Variants in CNTNAP2 observed in about 807,000 individuals in gnomAD.
The protein encoded by CNTNAP2 is contactin associated protein 2, also known as contactin-associated protein-like 2.
In CNTNAP2, 98 loss-of-function variants were observed where a neutral mutation model predicts 155.2. That is an observed-to-expected ratio of 0.63 (90% CI 0.54 to 0.75). The LOEUF is 0.75. Among genes scored for constraint, CNTNAP2 ranks in the 30% least tolerant of loss-of-function variants. The probability of loss-of-function intolerance (pLI) is 0.00; values close to 1 mark genes in which losing one functional copy is unlikely to be tolerated. For synonymous variants in CNTNAP2, 651 were observed against 631.2 expected, an observed-to-expected ratio of 1.03 and a Z score of -0.47; for missense variants, 1,727 against 1,688.1, an observed-to-expected ratio of 1.02 and a Z score of -0.40.
At chr7:146,219,895 A>C (rs1799178863) in intron 1 of CNTNAP2, among the ~76,000 whole-genome samples, 1 of 152,168 alleles carries the variant, frequency 6.6e-6, no homozygotes, top group Non-Finnish European at 1.5e-5. Flanking sequence ...ATTATGGCTC[A>C]TAGAATTTTA....
intron 1 of CNTNAP2, among the ~76,000 whole-genome samples, chr7:146,232,969 T>G (rs1799410862): frequency 6.6e-6 from 1 of 152,122 alleles, no homozygotes; most frequent in African/African-American, 2.4e-5. Context: ...TTATTCCATC[T>G]CTCACTCTAT....
At chr7:146,533,080 C>T (rs1041543203) in intron 1 of CNTNAP2, among the ~76,000 whole-genome samples, 11 of 118,386 alleles carry the variant, frequency 9.3e-5, no homozygotes, top group East Asian at 5.3e-4. Context: ...CCAGCTTAGG[C>T]GACTGAGGGA....
Position 148,293,393 on chromosome 7 carries a change from G to C in CNTNAP2, c.3475+26267G>C, listed in dbSNP as rs546359828. 4.0e-4 allele frequency among the ~76,000 whole-genome samples: 61 copies of C among 152,252 alleles called. 4 individuals are homozygous for C. In the South Asian group the frequency reaches 0.012, roughly 31 times the overall value. On this transcript the variant is annotated intron_variant, in intron 21 of 23. Transcript: ENST00000361727. ...TCTCAGTTTTACAGGCTTGTTTTCGGATTAATGGTAATAGATGTAAAGAAT... is the reference window on the plus strand; with the variant it reads ...TCTCAGTTTTACAGGCTTGTTTTCGCATTAATGGTAATAGATGTAAAGAAT...
intron 9 of CNTNAP2, among the ~76,000 whole-genome samples, chr7:147,329,912 T>C (rs771854835): frequency 7.2e-5 from 11 of 152,178 alleles, no homozygotes; most frequent in Admixed American, 6.6e-4. Flanking sequence ...TCTTATGTAA[T>C]GTTTTTAATC....
chr7:146,711,751 TCTTATGTATACATATATAGTATA>T (rs1372404665), intron 1 of CNTNAP2, among the ~76,000 whole-genome samples: 2 of 144,618 alleles, frequency 1.4e-5, no homozygotes, highest in Non-Finnish European at 3.0e-5. Flanking sequence ...AGTATACACA[TCTTATGTATACATATATAGTATA>T]CACATCTTAT....
intron 14 of CNTNAP2, among the ~76,000 whole-genome samples, chr7:147,961,971 A>G (rs1262231555): frequency 1.3e-5 from 2 of 152,236 alleles, no homozygotes; most frequent in Non-Finnish European, 2.9e-5. Context: ...ACAGAAAAGT[A>G]GTAAAAAGAA....
rs1307598224 is a variant in CNTNAP2 at position 147,936,044 on chromosome 7, G to A, written c.2255+32323G>A. ...CTCAACTTAAAAGTGTGCCTGTTTGGATGATAAGAAAAAAAAGCAAACAAA... is the reference window on the plus strand; with the variant it reads ...CTCAACTTAAAAGTGTGCCTGTTTGAATGATAAGAAAAAAAAGCAAACAAA... On this transcript the variant is annotated intron_variant, in intron 14 of 23. Transcript: ENST00000361727. Among the ~76,000 whole-genome samples, 4 of 151,904 alleles carry A rather than the reference G, an allele frequency of 2.6e-5. No individual in the cohort carries two copies. The East Asian group carries it at 7.7e-4, about 29-fold the overall frequency.
intron 1 of CNTNAP2, among the ~76,000 whole-genome samples, chr7:146,374,535 T>C (rs941527608): frequency 1.3e-5 from 2 of 152,206 alleles, no homozygotes; most frequent in African/African-American, 4.8e-5. Flanking sequence ...AAAGAGCCTG[T>C]TCTTAGTAGG....
At chr7:146,983,872 A>G (rs1798066775) in intron 3 of CNTNAP2, among the ~76,000 whole-genome samples, 1 of 152,216 alleles carries the variant, frequency 6.6e-6, no homozygotes, top group South Asian at 2.1e-4. Flanking sequence ...TTTATAAAGA[A>G]TATTTGTCTC....
intron 1 of CNTNAP2, among the ~76,000 whole-genome samples, chr7:146,580,944 A>G (rs990925652): frequency 1.3e-5 from 2 of 152,098 alleles, no homozygotes; most frequent in Admixed American, 6.6e-5. Context: ...TCACCCCAAG[A>G]AATAAAAGGC....
intron 11 of CNTNAP2, among the ~76,000 whole-genome samples, chr7:147,548,587 CT>C (rs1799788116): frequency 1.3e-5 from 2 of 152,134 alleles, no homozygotes; most frequent in East Asian, 3.9e-4. Flanking sequence ...GTTCCTTTTG[CT>C]GTGCAGACGC....
intron 3 of CNTNAP2, among the ~76,000 whole-genome samples, chr7:146,958,419 T>G (rs1425055568): frequency 5.7e-5 from 8 of 139,718 alleles, no homozygotes; most frequent in East Asian, 2.0e-4. Flanking sequence ...TTTTTTTTTT[T>G]TTTTTTTTTT....
chr7:147,365,388 A>G (rs1194484744), intron 9 of CNTNAP2, among the ~76,000 whole-genome samples: 4 of 148,488 alleles, frequency 2.7e-5, no homozygotes, highest in African/African-American at 1.0e-4. Flanking sequence ...AAAAAGAAAA[A>G]AAAAAAAAAA....
At chr7:148,182,004 G>A (rs575463466) in intron 18 of CNTNAP2, among the ~76,000 whole-genome samples, 11 of 151,384 alleles carry the variant, frequency 7.3e-5, no homozygotes, top group African/African-American at 9.7e-5. Flanking sequence ...TGATCCGCCC[G>A]CCTCAGCCTC....
At chr7:147,456,981 G>A (rs558706841) in intron 10 of CNTNAP2, among the ~76,000 whole-genome samples, 1 of 152,256 alleles carries the variant, frequency 6.6e-6, no homozygotes, top group African/African-American at 2.4e-5. Context: ...TCCACTAAGA[G>A]TTTCTACTAG....
At chr7:147,783,218 C>G (rs1011941419) in intron 13 of CNTNAP2, among the ~76,000 whole-genome samples, 5 of 152,054 alleles carry the variant, frequency 3.3e-5, no homozygotes, top group African/African-American at 1.2e-4. Flanking sequence ...AATTGTGTGC[C>G]CATGTAATTA....
intron 1 of CNTNAP2, among the ~76,000 whole-genome samples, chr7:146,567,205 A>G (rs1798370421): frequency 6.6e-6 from 1 of 152,224 alleles, no homozygotes; most frequent in Admixed American, 6.5e-5. Context: ...ATAGCCCAAT[A>G]CAGGAATTCA....
chr7:148,196,329 A>G (rs1246434859), intron 18 of CNTNAP2, among the ~76,000 whole-genome samples: 1 of 152,224 alleles, frequency 6.6e-6, no homozygotes, highest in Non-Finnish European at 1.5e-5. Flanking sequence ...TCAATCATCT[A>G]TTAGACTTTT....
chr7:148,099,955 C>T (rs940828368), intron 15 of CNTNAP2, among the ~76,000 whole-genome samples: 1 of 147,956 alleles, frequency 6.8e-6, no homozygotes, highest in Non-Finnish European at 1.5e-5. Context: ...TCACTGCAAC[C>T]TCTGCCTCCT....
Sources: allele counts gnomAD v4.1 joint callset (sites outside exome capture counted in the v4.1 genomes callset), GRCh38; gene constraint gnomAD v4.1.1; transcripts MANE v1.5; gene names NCBI Gene and HGNC (gene_info 2026-07-23, HGNC 2026-07-21).